The following PDE1C variants were observed in gnomAD, a reference collection of about 807,000 sequenced individuals.
The protein encoded by PDE1C is dual specificity calcium/calmodulin-dependent 3',5'-cyclic nucleotide phosphodiesterase 1C.
In PDE1C, 62 loss-of-function variants were observed where a neutral mutation model predicts 93.1. The observed-to-expected ratio is 0.67, with a 90% CI of 0.54 to 0.82. The LOEUF is 0.82. PDE1C is among the 40% of genes least tolerant of loss of function. The pLI, the probability that PDE1C is intolerant of heterozygous loss-of-function variation, is 0.00. For synonymous variants in PDE1C, 325 were observed against 310.1 expected (o/e 1.05, Z -0.50); for missense variants, 742 against 884.6 (o/e 0.84, Z 2.04).
intron 2 of PDE1C, among the ~76,000 whole-genome samples, chr7:31,912,410 G>C (rs938849114): frequency 5.9e-5 from 9 of 152,156 alleles, no homozygotes; most frequent in Non-Finnish European, 1.2e-4. Context: ...AAAAGGCCGG[G>C]TGTGGTGGCT....
rs1276224264 is a variant in PDE1C, at chr7:31,917,225, C to T, written c.129-36365G>A. Among the ~76,000 whole-genome samples the T allele has an allele frequency of 2.6e-5, 4 of 152,108 alleles. No individual in the cohort carries two copies. The South Asian group carries it at 6.2e-4, about 24-fold the overall frequency. ...ATTACGGTAGGGTTAAATTTCTTTT[C>T]GCAGATAGAAGATAGGTTACATTAG... On this transcript the variant is annotated intron_variant, in intron 2 of 17. Transcript: ENST00000396191.
At chr7:32,059,807 G>C (rs1367373826) in intron 1 of PDE1C, among the ~76,000 whole-genome samples, 1 of 152,202 alleles carries the variant, frequency 6.6e-6, no homozygotes, top group Non-Finnish European at 1.5e-5. Context: ...GGTTTTGAGA[G>C]AAAGAAAATA....
intron 7 of PDE1C, among the ~76,000 whole-genome samples, chr7:31,855,844 A>T (rs1793951741): frequency 6.6e-6 from 1 of 150,756 alleles, no homozygotes; most frequent in Admixed American, 6.6e-5. Context: ...TTGCTTGACA[A>T]AAGCAAGGAA....
At chr7:32,148,603 A>T (rs970578912) in intron 3 of PDE1C, among the ~76,000 whole-genome samples, 2 of 152,166 alleles carry the variant, frequency 1.3e-5, no homozygotes. Context: ...AAATAAAATT[A>T]AAAATTCAGT....
the PDE1C span, chr7:31,653,012 A>G: frequency 3.7e-4 from 517 of 1,397,102 alleles, 6 homozygotes; most frequent in South Asian, 6.0e-3. Context: ...TTCAGTATAG[A>G]ATAACTGAGC....
upstream of PDE1C, chr7:32,070,998 C>T: frequency 1.0e-6 from 1 of 985,332 alleles, no homozygotes; most frequent in Non-Finnish European, 1.2e-6. Flanking sequence ...TGCTGACAAG[C>T]GAGAAAACTG....
In PDE1C at chr7:31,880,844, T is replaced by C; in HGVS notation, c.145A>G (p.Lys49Glu). The change falls in exon 3 of 18, where the codon AAA (lysine) becomes GAA (glutamate). Residue 49 changes from lysine (K) to glutamate (E), a missense_variant. Around this residue, in one of 4 missense-constraint regions of PDE1C, gnomAD observed 74 missense variants for 88.2 expected, o/e 0.84. Coordinates refer to ENST00000396191, the MANE Select transcript of PDE1C (RefSeq NM_001191057.4). Reference sequence around the variant, plus strand: ...GAAGCTTCCCCTCTCTCTAATTGTTTGACCAAAGACCGTAATCTAGAAAAA... The same window carrying C: ...GAAGCTTCCCCTCTCTCTAATTGTTCGACCAAAGACCGTAATCTAGAAAAA... ...KTSQRLRSLV[K>E]QLERGEASVV... 1 of 1,604,758 alleles carries C rather than the reference T, an allele frequency of 6.2e-7. No individual in the cohort carries two copies. Among genetic ancestry groups the C allele is most frequent in the Non-Finnish European group, 8.5e-7 (1 of 1,171,904 alleles).
rs138788396 is a variant in PDE1C at position 32,091,257 on chromosome 7, A to G, written c.308+78528T>C. Among the ~76,000 whole-genome samples, 838 of 152,356 alleles carry G rather than the reference A, an allele frequency of 5.5e-3. 4 individuals are homozygous for G. Among genetic ancestry groups the G allele is most frequent in the Non-Finnish European group, 9.1e-3 (620 of 68,032 alleles). ...ATGGGAGAGATGGAATTTGAACTCA[A>G]GTCTTTCTGTGCAACTTTCCCCTGT... On this transcript the variant is annotated intron_variant, in intron 3 of 18. Coordinates refer to the PDE1C transcript ENST00000396193.
At chr7:31,935,281 C>T (rs1175167413) in intron 2 of PDE1C, among the ~76,000 whole-genome samples, 1 of 152,064 alleles carries the variant, frequency 6.6e-6, no homozygotes. Flanking sequence ...TTTTGAAAAC[C>T]CACTTGGCTG....
At chr7:31,746,192 T>G (rs1168637211), downstream of PDE1C, among the ~76,000 whole-genome samples, 3 of 152,180 alleles carry the variant, frequency 2.0e-5, no homozygotes, top group Admixed American at 1.3e-4. Context: ...TGAGAGGGGA[T>G]ATCTCTCTTG....
At chr7:32,353,923 T>C (rs1562687253) in intron 1 of PDE1C, among the ~76,000 whole-genome samples, 1 of 152,206 alleles carries the variant, frequency 6.6e-6, no homozygotes, top group Non-Finnish European at 1.5e-5. Context: ...GTTAGATAAC[T>C]ATTGTCTTCT....
chr7:32,001,556 A>AG (rs1475472384), intron 2 of PDE1C, among the ~76,000 whole-genome samples: 3 of 152,224 alleles, frequency 2.0e-5, no homozygotes, highest in African/African-American at 7.2e-5. Context: ...GCTCCCATAA[A>AG]GGAGTTCATC....
At chr7:31,622,425 A>G in the PDE1C span, among the ~76,000 whole-genome samples, 1 of 152,072 alleles carries the variant, frequency 6.6e-6, no homozygotes, top group South Asian at 2.1e-4. Context: ...CCACAGTGCA[A>G]TCAAACTAGA....
At chr7:32,265,125 A>C (rs1454673401) in intron 1 of PDE1C, among the ~76,000 whole-genome samples, 3 of 152,248 alleles carry the variant, frequency 2.0e-5, no homozygotes, top group African/African-American at 7.2e-5. Context: ...TTAGCAAGAA[A>C]GTAGCAAAAG....
chr7:32,089,327 C>G (rs1194173506), intron 3 of PDE1C, among the ~76,000 whole-genome samples: 1 of 152,106 alleles, frequency 6.6e-6, no homozygotes, highest in Non-Finnish European at 1.5e-5. Flanking sequence ...TGGATTTGAA[C>G]TAAAGCCTGT....
chr7:31,799,853 A>T (rs1340656685), intron 16 of PDE1C, among the ~76,000 whole-genome samples: 2 of 151,768 alleles, frequency 1.3e-5, no homozygotes, highest in East Asian at 3.9e-4. Flanking sequence ...AATGGTTGTA[A>T]GAAATACAAT....
chr7:32,190,800 C>A (rs1005944971), intron 2 of PDE1C, among the ~76,000 whole-genome samples: 4 of 152,134 alleles, frequency 2.6e-5, no homozygotes, highest in African/African-American at 9.7e-5. Context: ...ATACTATAAC[C>A]ATGCAGAAAT....
intron 17 of PDE1C, among the ~76,000 whole-genome samples, chr7:31,773,286 G>A (rs1187826104): frequency 6.6e-6 from 1 of 152,066 alleles, no homozygotes; most frequent in Non-Finnish European, 1.5e-5. Context: ...CACTCCTTTT[G>A]GGACCACTTT....
intron 6 of PDE1C, among the ~76,000 whole-genome samples, chr7:31,870,314 A>G (rs1795784412): frequency 6.6e-6 from 1 of 152,010 alleles, no homozygotes. Flanking sequence ...AAATGAGAAA[A>G]GTTGTTTTTT....
Sources: gnomAD v4.1 joint callset for allele counts (sites outside exome capture counted in the v4.1 genomes callset) on GRCh38, gnomAD v4.1.1 for gene constraint, gnomAD v4.1.1 regional missense constraint, MANE v1.5 for transcripts, NCBI Gene and HGNC (gene_info 2026-07-23, HGNC 2026-07-21) for gene names.